STKLD1: variants seen among roughly 807,000 people sequenced by gnomAD.
STKLD1 encodes serine/threonine kinase-like domain-containing protein STKLD1.
STKLD1 carries 79 observed loss-of-function variants against 80.4 expected under a neutral mutation model. The ratio of observed to expected loss-of-function variants is 0.98; its 90% CI spans 0.82 to 1.19. The LOEUF is 1.19. Ranked by LOEUF, STKLD1 falls within the 50% of genes most tolerant of loss-of-function variation. The pLI, the probability that STKLD1 is intolerant of heterozygous loss-of-function variation, is 0.00. For missense variants in STKLD1, 841 were observed against 856.0 expected (o/e 0.98, Z 0.22); for synonymous variants, 393 against 357.6 (o/e 1.10, Z -1.12).
chr9:133,379,158 G>A, intron 2 of STKLD1, 36 bp downstream of exon 2: 1 of 1,570,640 alleles, frequency 6.4e-7, no homozygotes, highest in Non-Finnish European at 8.7e-7. Flanking sequence ...ATGCCGGGTG[G>A]TTCTGTGACT....
chr9:133,402,948 C>T lies in STKLD1; in HGVS notation c.1410C>T (p.Ser470=), dbSNP rs1554777974. The T allele has an allele frequency of 6.3e-7, 1 of 1,583,798 alleles. No homozygotes were observed. Among genetic ancestry groups the T allele is most frequent in the South Asian group, 1.2e-5 (1 of 86,624 alleles). ...LLEHILEHLN[S]SLESRDVCAS... is the part of the protein sequence containing the mutation. The stretch of plus-strand genomic sequence containing the variant: ...AGCACATCCTGGAGCACCTCAACAG[C>T]TCCCTCGAAAGCAGGGACGTCTGCG... Residue 470 remains serine, a synonymous_variant, in exon 14 of 18, where the codon AGC becomes AGT. Transcript: ENST00000371957.
chr9:133,384,749 A>G lies in STKLD1; in HGVS notation c.219+849A>G, dbSNP rs1340350513. On this transcript the variant is annotated intron_variant, in intron 3 of 17. Transcript: ENST00000371957. The surrounding 1 kb of genome is among the most constrained non-coding windows in gnomAD (Gnocchi z 4.3). Reference sequence around the variant, plus strand: ...AACAAAACAAATATAAATTACCCTTAATTCTACCATTGAGAGCTGCCCAGC... The same window carrying G: ...AACAAAACAAATATAAATTACCCTTGATTCTACCATTGAGAGCTGCCCAGC... The G allele has an allele frequency of 6.6e-6, 1 of 152,102 alleles. No individual in the cohort carries two copies. The highest frequency in any genetic ancestry group is 2.4e-5 in the African/African-American group (1 of 41,410). 9.4% of individuals were successfully genotyped at this position (152,102 alleles called of 1,614,324 possible). A position where few individuals can be genotyped will look rare whatever the true frequency, so the allele number is the denominator to read the frequency against.
At chr9:133,383,986 A>C in intron 3 of STKLD1, 86 bp downstream of exon 3, 1 of 1,332,084 alleles carries the variant, frequency 7.5e-7, no homozygotes, top group South Asian at 1.2e-5. Context: ...GAGTGCCTGG[A>C]TGAAGAGAAG....
At chr9:133,399,893 AAG>A (rs1268092592) in intron 11 of STKLD1, among the ~76,000 whole-genome samples, 4 of 141,990 alleles carry the variant, frequency 2.8e-5, no homozygotes, top group African/African-American at 8.9e-5. Flanking sequence ...AAAAAAAAAA[AAG>A]AGGGGGGGGT....
chr9:133,402,122 G>A (rs1443535135), intron 13 of STKLD1, among the ~76,000 whole-genome samples: 1 of 152,168 alleles, frequency 6.6e-6, no homozygotes, highest in Admixed American at 6.5e-5. Flanking sequence ...CATGCTAGGC[G>A]CAGCTGTGGG....
intron 12 of STKLD1, among the ~76,000 whole-genome samples, 200 bp downstream of exon 12, chr9:133,400,729 G>C (rs28684981): frequency 6.6e-6 from 1 of 152,238 alleles, no homozygotes; most frequent in Non-Finnish European, 1.5e-5. Flanking sequence ...TGGTGGCCTA[G>C]CTCTGCCCCC....
chr9:133,385,669 TGTTCATCAC>T lies in STKLD1; in HGVS notation c.275_283del (p.Phe92_Thr94del). On this transcript the variant is annotated inframe_deletion, in exon 4 of 18. Transcript: ENST00000371957. This position sits in a 1 kb window ranked among gnomAD's most constrained non-coding sequence, Gnocchi z 4.9. Reference sequence around the variant, plus strand: ...GCCCACATCTCTGTGTACCAGGAGCTGTTCATCACGTGGAATGGGGAGGTGGGTCAGAGC... The same window carrying T: ...GCCCACATCTCTGTGTACCAGGAGCTGTGGAATGGGGAGGTGGGTCAGAGC... 1 of 1,613,290 alleles carries T rather than the reference TGTTCATCAC, an allele frequency of 6.2e-7. No individual in the cohort carries two copies. The highest frequency in any genetic ancestry group is 1.1e-5 in the South Asian group (1 of 91,080).
intron 2 of STKLD1, among the ~76,000 whole-genome samples, chr9:133,383,031 T>G (rs1341715587): frequency 2.9e-5 from 3 of 104,824 alleles, no homozygotes; most frequent in African/African-American, 3.8e-5. Flanking sequence ...GGTGATGAGG[T>G]TGGTGATGAT....
In STKLD1 at chr9:133,379,046, A is replaced by G. The variant is rs146900935; in HGVS notation, c.98A>G (p.Gln33Arg). Reference sequence around the variant, plus strand: ...CTTCCTTGCTGATAGGTTTTGTACCAGCTGAATCCTGGGGCCTTGGGGGTG... The same window carrying G: ...CTTCCTTGCTGATAGGTTTTGTACCGGCTGAATCCTGGGGCCTTGGGGGTG... ...EPMEKYQVLYQLNPGALGVNL... is the reference protein window; with the variant it reads ...EPMEKYQVLYRLNPGALGVNL... Residue 33 changes from glutamine (Q) to arginine (R), a missense_variant, in exon 2 of 18, where the codon CAG (glutamine) becomes CGG (arginine). By Grantham distance (43) the Gln-to-Arg change is conservative. Transcript: ENST00000371957. 409 of 1,613,922 alleles carry G rather than the reference A, an allele frequency of 2.5e-4. No homozygotes were observed. The African/African-American group carries it at 4.0e-3, about 16-fold the overall frequency.
intron 12 of STKLD1, among the ~76,000 whole-genome samples, 182 bp from the exon 13 acceptor site, chr9:133,401,556 C>T (rs587714973): frequency 5.9e-5 from 9 of 152,328 alleles, no homozygotes; most frequent in Admixed American, 1.3e-4. Context: ...GGCTCCCTTC[C>T]GGTCCTTCAC....
In STKLD1 at chr9:133,395,711, A is replaced by C. The variant is rs768827116; in HGVS notation, c.814A>C (p.Asn272His). The C allele has an allele frequency of 6.2e-7, 1 of 1,613,572 alleles. No individual in the cohort carries two copies. The highest frequency in any genetic ancestry group is 1.7e-5 in the Admixed American group (1 of 60,022). Residue 272 changes from asparagine to histidine, a missense_variant, in exon 9 of 18, where the codon AAT (asparagine) becomes CAT (histidine). Transcript: ENST00000371957. ...KQIPDVETFRNLLPLMLQIDP... is the reference protein window; with the variant it reads ...KQIPDVETFRHLLPLMLQIDP... The stretch of plus-strand genomic sequence containing the variant: ...GATCCCGGATGTGGAAACCTTCAGG[A>C]ATCTTCTGCCCTTGATGCTCCAGAT...
chr9:133,383,328 GGT>G (rs1838190212), intron 2 of STKLD1, among the ~76,000 whole-genome samples: 67 of 20,570 alleles, frequency 3.3e-3, no homozygotes, highest in African/African-American at 7.8e-3. Flanking sequence ...TGATGATGGT[GGT>G]GATGGTGATG....
intron 1 of STKLD1, among the ~76,000 whole-genome samples, chr9:133,377,736 C>G (rs1341363285): frequency 6.6e-6 from 1 of 151,916 alleles, no homozygotes; most frequent in Non-Finnish European, 1.5e-5. Context: ...GACAATTTTT[C>G]CACAGATGGA....
At position 133,390,668 on chromosome 9, in the gene STKLD1, C is replaced by A; in HGVS notation, c.468-13C>A. 2 of 1,610,534 alleles carry A rather than the reference C, an allele frequency of 1.2e-6. No individual in the cohort carries two copies. Among genetic ancestry groups the A allele is most frequent in the Non-Finnish European group, 1.7e-6 (2 of 1,177,422 alleles). On this transcript the variant is annotated splice_polypyrimidine_tract_variant and intron_variant, in intron 6 of 17. Coordinates refer to ENST00000371957, the MANE Select transcript of STKLD1 (RefSeq NM_153710.5). The surrounding 1 kb of genome is among the most constrained non-coding windows in gnomAD (Gnocchi z 5.1). ...CCTTGGCATCCAGAGGCAAACCCAC[C>A]TCTTGGTTTCAGGAATCTCAAACCC...
At chr9:133,402,549 C>T (rs1043405088) in intron 13 of STKLD1, among the ~76,000 whole-genome samples, 1 of 152,250 alleles carries the variant, frequency 6.6e-6, no homozygotes, top group Non-Finnish European at 1.5e-5. Context: ...GGGATAGGGC[C>T]CCGTCATGGT....
chr9:133,404,847 CAAG>C lies in STKLD1; in HGVS notation c.1792_1794del (p.Lys598del). 2 of 1,613,266 alleles carry C rather than the reference CAAG, an allele frequency of 1.2e-6. No homozygotes were observed. Among genetic ancestry groups the C allele is most frequent in the Non-Finnish European group, 1.7e-6 (2 of 1,179,754 alleles). The stretch of plus-strand genomic sequence containing the variant: ...AGGGCGGCAGTGGCCTCAGCCTCAT[CAAG>C]GAGACCTACCAGCTCCACAGGGACG... On this transcript the variant is annotated inframe_deletion, in exon 17 of 18. Transcript: ENST00000371957.
intron 11 of STKLD1, among the ~76,000 whole-genome samples, chr9:133,398,527 C>T (rs1554777052): frequency 6.6e-6 from 1 of 152,200 alleles, no homozygotes; most frequent in East Asian, 1.9e-4. Context: ...GCCTGTAATC[C>T]TAGCACCTTG....
chr9:133,376,459 C>T lies in STKLD1; in HGVS notation c.-15C>T, dbSNP rs1233391821. 3.8e-6 allele frequency: 6 copies of T among 1,569,624 alleles called. No individual in the cohort carries two copies. The highest frequency in any genetic ancestry group is 1.4e-5 in the African/African-American group (1 of 73,060). Reference sequence around the variant, plus strand: ...CCAGGGGTGGACGCTCGCCCGTACGCGGTCGCTACTGATCATGCTTGGGCC... The same window carrying T: ...CCAGGGGTGGACGCTCGCCCGTACGTGGTCGCTACTGATCATGCTTGGGCC... On this transcript the variant is annotated 5_prime_UTR_variant, in exon 1 of 18. Transcript: ENST00000371957.
rs200408065 is a variant in STKLD1, at chr9:133,389,549, G to A, written c.420G>A (p.Gln140=). 6.2e-7 allele frequency: 1 copy of A among 1,613,510 alleles called. No individual in the cohort carries two copies. Among genetic ancestry groups the A allele is most frequent in the African/African-American group, 1.3e-5 (1 of 75,054 alleles). The change falls in exon 6 of 18, where the codon CAG becomes CAA. Residue 140 remains glutamine, a synonymous_variant. Coordinates refer to ENST00000371957, the MANE Select transcript of STKLD1 (RefSeq NM_153710.5). The surrounding 1 kb of genome is among the most constrained non-coding windows in gnomAD (Gnocchi z 6.4). ...AGTGGATGCAGAATGTGCTGGGCCAGGTGCTGGACGCGCTGGAATACCTGC... is the reference window on the plus strand; with the variant it reads ...AGTGGATGCAGAATGTGCTGGGCCAAGTGCTGGACGCGCTGGAATACCTGC... ...DSEWMQNVLG[Q]VLDALEYLHH...
Sources: gnomAD v4.1 joint callset for allele counts (sites outside exome capture counted in the v4.1 genomes callset) on GRCh38, gnomAD v4.1.1 for gene constraint, Gnocchi (gnomAD v3.1) non-coding constraint, MANE v1.5 for transcripts, NCBI Gene and HGNC (gene_info 2026-07-23, HGNC 2026-07-21) for gene names.